The following CPQ variants were observed in gnomAD, a reference collection of about 807,000 sequenced individuals.
CPQ encodes carboxypeptidase Q.
In CPQ, 37 loss-of-function variants were observed where a neutral mutation model predicts 45.7. The ratio of observed to expected loss-of-function variants is 0.81; its 90% CI spans 0.62 to 1.07. The LOEUF (loss-of-function observed/expected upper bound fraction) is 1.07. Among genes scored for constraint, CPQ ranks in the 50% least tolerant of loss-of-function variants. CPQ has a pLI of 0.00. For missense variants in CPQ, 537 were observed against 572.9 expected, an observed-to-expected ratio of 0.94 and a Z score of 0.64; for synonymous variants, 186 against 205.8, an observed-to-expected ratio of 0.90 and a Z score of 0.82.
intron 1 of CPQ, among the ~76,000 whole-genome samples, chr8:96,747,358 A>G (rs1052368743): frequency 2.1e-4 from 32 of 152,122 alleles, no homozygotes; most frequent in Admixed American, 3.3e-4. Flanking sequence ...TGACCAATGC[A>G]TAGAGAGAAG....
intron 1 of CPQ, among the ~76,000 whole-genome samples, chr8:96,708,635 T>C (rs1809565943): frequency 1.3e-5 from 2 of 152,130 alleles, no homozygotes; most frequent in Non-Finnish European, 2.9e-5. Context: ...ATTAATTTTC[T>C]GTCATTAGTT....
At chr8:96,836,936 GC>G (rs1234833654) in intron 3 of CPQ, among the ~76,000 whole-genome samples, 1 of 151,986 alleles carries the variant, frequency 6.6e-6, no homozygotes, top group Non-Finnish European at 1.5e-5. Context: ...TGATTTTATA[GC>G]CAATCCATAT....
chr8:96,667,112 A>AC (rs113700965), intron 1 of CPQ, among the ~76,000 whole-genome samples: 3,689 of 151,644 alleles, frequency 0.024, 167 homozygotes, highest in African/African-American at 0.084. Flanking sequence ...AAAAAAATCT[A>AC]CCCCGCCATT....
At chr8:96,805,906 C>T (rs1373354763) in intron 2 of CPQ, among the ~76,000 whole-genome samples, 1 of 151,878 alleles carries the variant, frequency 6.6e-6, no homozygotes, top group Admixed American at 6.6e-5. Flanking sequence ...ACTAGCTGGA[C>T]GGGGCCAGTA....
At chr8:97,118,743 C>G (rs1346989) in intron 7 of CPQ, among the ~76,000 whole-genome samples, 31,095 of 151,566 alleles carry the variant, frequency 0.21, 3,270 homozygotes, top group South Asian at 0.34. Context: ...GCCTGTTTTT[C>G]AAAGAAAAAA....
chr8:97,092,643 C>T (rs1563577915), intron 7 of CPQ: 1 of 152,178 alleles, frequency 6.6e-6, no homozygotes, highest in East Asian at 1.9e-4. Context: ...AACTGGACTC[C>T]TTCCTCTCAC....
intron 2 of CPQ, among the ~76,000 whole-genome samples, chr8:96,795,921 A>C (rs929856375): frequency 6.6e-6 from 1 of 152,074 alleles, no homozygotes; most frequent in Non-Finnish European, 1.5e-5. Flanking sequence ...AAGTTCTTAG[A>C]AGCTGTTTTA....
intron 7 of CPQ, among the ~76,000 whole-genome samples, chr8:97,109,511 C>G (rs151268855): frequency 6.6e-6 from 1 of 152,126 alleles, no homozygotes; most frequent in African/African-American, 2.4e-5. Context: ...CCTTCCTGAC[C>G]CAGAAGGTTC....
At chr8:96,737,393 A>G (rs948242897) in intron 1 of CPQ, among the ~76,000 whole-genome samples, 1 of 111,352 alleles carries the variant, frequency 9.0e-6, no homozygotes, top group Non-Finnish European at 2.0e-5. Context: ...ATTAACTTAC[A>G]TGATTACAAG....
intron 1 of CPQ, among the ~76,000 whole-genome samples, chr8:96,687,299 G>A (rs765822296): frequency 1.3e-5 from 2 of 151,296 alleles, no homozygotes; most frequent in Admixed American, 6.6e-5. Context: ...CGCAACCTCC[G>A]CCTCATAGAT....
At chr8:96,965,829 G>T (rs1220330347) in intron 4 of CPQ, 106 bp from the exon 5 acceptor site, 3 of 679,720 alleles carry the variant, frequency 4.4e-6, no homozygotes, top group Non-Finnish European at 7.0e-6. Context: ...AAATAGGAAA[G>T]AAAATATAAA....
At chr8:97,019,540 C>T (rs931295340) in intron 5 of CPQ, among the ~76,000 whole-genome samples, 3 of 152,138 alleles carry the variant, frequency 2.0e-5, no homozygotes, top group African/African-American at 7.2e-5. Context: ...AAAGAGATTC[C>T]ATGCAAATGG....
At chr8:96,749,941 C>T (rs1810237050) in intron 1 of CPQ, among the ~76,000 whole-genome samples, 1 of 151,668 alleles carries the variant, frequency 6.6e-6, no homozygotes, top group African/African-American at 2.4e-5. Context: ...ATAAAGGTCC[C>T]AAAATAGGGA....
chr8:96,757,853 A>G (rs1163854992), intron 1 of CPQ, among the ~76,000 whole-genome samples: 2 of 151,522 alleles, frequency 1.3e-5, no homozygotes, highest in Non-Finnish European at 2.9e-5. Context: ...CTACTTTTTC[A>G]TTCTTGAATT....
At chr8:96,726,150 A>G (rs1809835550) in intron 1 of CPQ, among the ~76,000 whole-genome samples, 1 of 152,136 alleles carries the variant, frequency 6.6e-6, no homozygotes. Flanking sequence ...TCTGCTCACT[A>G]CCTGGATAAT....
chr8:96,955,146 G>A (rs1182300836), intron 4 of CPQ, among the ~76,000 whole-genome samples: 2 of 151,956 alleles, frequency 1.3e-5, no homozygotes, highest in South Asian at 2.1e-4. Context: ...TGGTATTTCT[G>A]GTTCTAGATC....
intron 1 of CPQ, among the ~76,000 whole-genome samples, chr8:96,676,573 A>T (rs1809079425): frequency 6.6e-6 from 1 of 151,882 alleles, no homozygotes; most frequent in Admixed American, 6.6e-5. Flanking sequence ...GACACTTGGG[A>T]TGATTGCATA....
intron 1 of CPQ, among the ~76,000 whole-genome samples, chr8:96,725,886 A>G (rs1030767029): frequency 1.3e-5 from 2 of 152,214 alleles, no homozygotes; most frequent in African/African-American, 2.4e-5. Flanking sequence ...CATAAACATC[A>G]TGGAATACTA....
At chr8:97,135,307 AT>A in intron 7 of CPQ, among the ~76,000 whole-genome samples, 1 of 151,118 alleles carries the variant, frequency 6.6e-6, no homozygotes, top group Admixed American at 6.6e-5. Context: ...TTTTCCTTTC[AT>A]TTTTTCCCCC....
Sources: allele counts gnomAD v4.1 joint callset (sites outside exome capture counted in the v4.1 genomes callset), GRCh38; gene constraint gnomAD v4.1.1; transcripts MANE v1.5; gene names NCBI Gene and HGNC (gene_info 2026-07-23, HGNC 2026-07-21).